The following TUSC3 variants were observed in gnomAD, a reference collection of about 807,000 sequenced individuals.
TUSC3 encodes tumor suppressor candidate 3.
In TUSC3, 45 loss-of-function variants were observed where a neutral mutation model predicts 44.8. The ratio of observed to expected loss-of-function variants is 1.00; its 90% CI spans 0.79 to 1.29. TUSC3 has a LOEUF of 1.29. Among genes scored for constraint, TUSC3 ranks in the 50% most tolerant of loss-of-function variants. The pLI, the probability that TUSC3 is intolerant of heterozygous loss-of-function variation, is 0.00. For missense variants in TUSC3, 519 were observed against 437.9 expected (o/e 1.19, Z -1.65); for synonymous variants, 212 against 152.9 (o/e 1.39, Z -2.85).
At chr8:15,693,622 C>G (rs1809020042) in intron 6 of TUSC3, among the ~76,000 whole-genome samples, 2 of 151,288 alleles carry the variant, frequency 1.3e-5, no homozygotes, top group Non-Finnish European at 2.9e-5. Flanking sequence ...TCTCATGTGT[C>G]TTGGGATGGT....
intron 1 of TUSC3, among the ~76,000 whole-genome samples, chr8:15,553,894 C>T (rs751635393): frequency 4.0e-5 from 6 of 151,668 alleles, no homozygotes; most frequent in East Asian, 1.9e-4. Context: ...GTAGTTGTTA[C>T]GGTTGTTCGT....
rs1801635221 is a variant in TUSC3 at position 15,540,329 on chromosome 8, C to T, written c.-102C>T. ...GCAAAGCCGCTGCCATCCCGGAGGG[C>T]CCAGCCAGCGGGCTCCCGGAGGCTG... On this transcript the variant is annotated 5_prime_UTR_variant, in exon 1 of 11. Coordinates refer to ENST00000503731, the MANE Select transcript of TUSC3 (RefSeq NM_006765.4). The T allele has an allele frequency of 7.3e-7, 1 of 1,365,080 alleles. No homozygotes were observed. The highest frequency in any genetic ancestry group is 9.4e-7 in the Non-Finnish European group (1 of 1,058,684). 84.6% of individuals were successfully genotyped at this position (1,365,080 alleles called of 1,614,324 possible).
chr8:15,550,178 C>G (rs570774048), intron 1 of TUSC3, among the ~76,000 whole-genome samples: 1 of 151,694 alleles, frequency 6.6e-6, no homozygotes, highest in Non-Finnish European at 1.5e-5. Context: ...CTACCAGGCC[C>G]AGGGTGTGGC....
chr8:15,814,306 G>A, the TUSC3 span, among the ~76,000 whole-genome samples: 54 of 152,050 alleles, frequency 3.6e-4, no homozygotes, highest in African/African-American at 1.3e-3. Context: ...CTAGAAGGAG[G>A]AAGACATAAG....
chr8:15,691,326 TA>T (rs2129190187), intron 6 of TUSC3, among the ~76,000 whole-genome samples: 1 of 152,298 alleles, frequency 6.6e-6, no homozygotes, highest in South Asian at 2.1e-4. Flanking sequence ...TTTTGGTGTA[TA>T]GGAATGCTAT....
intron 7 of TUSC3, among the ~76,000 whole-genome samples, chr8:15,742,797 G>C (rs1013362783): frequency 6.6e-5 from 10 of 152,200 alleles, no homozygotes; most frequent in African/African-American, 1.7e-4. Context: ...AAAATCTTAA[G>C]AGTCGACAAT....
intron 1 of TUSC3, among the ~76,000 whole-genome samples, chr8:15,448,121 T>TATATATATATA (rs1354912985): frequency 5.0e-4 from 13 of 25,880 alleles, no homozygotes; most frequent in East Asian, 1.8e-3. Flanking sequence ...ATATATATAT[T>TATATATATATA]TATTTATTTA....
chr8:15,690,088 G>A (rs116071295), intron 6 of TUSC3, among the ~76,000 whole-genome samples: 3 of 152,002 alleles, frequency 2.0e-5, no homozygotes, highest in Non-Finnish European at 4.4e-5. Context: ...TTGAGAAATC[G>A]CCAGACTGCC....
intron 2 of TUSC3, among the ~76,000 whole-genome samples, chr8:15,635,972 A>T (rs1198401356): frequency 1.3e-5 from 2 of 152,186 alleles, no homozygotes; most frequent in Non-Finnish European, 2.9e-5. Context: ...AGATGTTTCA[A>T]AGAGCGGTGT....
At chr8:15,832,349 T>A in the TUSC3 span, among the ~76,000 whole-genome samples, 2 of 152,132 alleles carry the variant, frequency 1.3e-5, no homozygotes, top group Non-Finnish European at 2.9e-5. Flanking sequence ...TACACAGACC[T>A]GTGACACTAC....
At chr8:15,709,329 T>A (rs1207204362) in intron 6 of TUSC3, among the ~76,000 whole-genome samples, 2 of 151,940 alleles carry the variant, frequency 1.3e-5, no homozygotes, top group African/African-American at 4.8e-5. Flanking sequence ...GGAATGCCAA[T>A]CTGAAAGCTT....
At chr8:15,429,244 T>C (rs1799842069) in intron 1 of TUSC3, among the ~76,000 whole-genome samples, 1 of 152,218 alleles carries the variant, frequency 6.6e-6, no homozygotes, top group Non-Finnish European at 1.5e-5. Context: ...CCCCATTTCT[T>C]CTTTTTGTCA....
At chr8:15,739,112 T>C (rs1201682013) in intron 7 of TUSC3, among the ~76,000 whole-genome samples, 1 of 152,084 alleles carries the variant, frequency 6.6e-6, no homozygotes, top group Non-Finnish European at 1.5e-5. Flanking sequence ...ATTACAGGCG[T>C]GAGCCACTGC....
chr8:15,434,546 T>TTA (rs34751308), intron 1 of TUSC3, among the ~76,000 whole-genome samples: 4 of 125,930 alleles, frequency 3.2e-5, no homozygotes, highest in African/African-American at 1.1e-4. Flanking sequence ...TTTTTTTTTT[T>TTA]ATACTTTAAG....
At chr8:15,541,701 G>A (rs976715137) in intron 1 of TUSC3, among the ~76,000 whole-genome samples, 3 of 152,088 alleles carry the variant, frequency 2.0e-5, no homozygotes, top group Non-Finnish European at 4.4e-5. Flanking sequence ...AAGGGATTTA[G>A]AGAACCACTG....
At chr8:15,560,167 C>G (rs1459462848) in intron 1 of TUSC3, among the ~76,000 whole-genome samples, 6 of 142,586 alleles carry the variant, frequency 4.2e-5, no homozygotes, top group African/African-American at 1.6e-4. Context: ...ATGTTTAGTG[C>G]TTCCTTCAGG....
chr8:15,510,143 G>A (rs113388636), intron 2 of TUSC3, among the ~76,000 whole-genome samples: 2 of 152,130 alleles, frequency 1.3e-5, no homozygotes, highest in African/African-American at 4.8e-5. Flanking sequence ...ACTGAAGAAA[G>A]ATCTAAAATC....
intron 1 of TUSC3, among the ~76,000 whole-genome samples, chr8:15,453,189 G>A (rs1461092986): frequency 1.3e-5 from 2 of 152,140 alleles, no homozygotes; most frequent in African/African-American, 4.8e-5. Flanking sequence ...AACTGGGAGT[G>A]TTTCTGAAGA....
At chr8:15,744,640 A>G (rs1310763114) in intron 8 of TUSC3, among the ~76,000 whole-genome samples, 2 of 152,160 alleles carry the variant, frequency 1.3e-5, no homozygotes, top group Non-Finnish European at 2.9e-5. Context: ...TTGATGTAAT[A>G]CACAGTTTAG....
Sources: gnomAD v4.1 joint callset for allele counts (sites outside exome capture counted in the v4.1 genomes callset) on GRCh38, gnomAD v4.1.1 for gene constraint, MANE v1.5 for transcripts, NCBI Gene and HGNC (gene_info 2026-07-23, HGNC 2026-07-21) for gene names.